Variants in GAA observed in about 807,000 individuals in gnomAD.
GAA encodes alpha glucosidase, also known as lysosomal alpha-glucosidase.
Under a neutral mutation model 103.9 loss-of-function variants are expected in GAA, and 88 were observed. The ratio of observed to expected loss-of-function variants is 0.85; its 90% CI spans 0.71 to 1.01. The LOEUF (loss-of-function observed/expected upper bound fraction) is 1.01. GAA is among the 50% of genes least tolerant of loss of function. The pLI, the probability that GAA is intolerant of heterozygous loss-of-function variation, is 0.00. For synonymous variants in GAA, 572 were observed against 563.1 expected, an observed-to-expected ratio of 1.02 and a Z score of -0.22; for missense variants, 1,350 against 1,305.3, an observed-to-expected ratio of 1.03 and a Z score of -0.53.
Position 80,107,727 on chromosome 17 carries a change from A to AGCAGCAG in GAA, c.858+7_858+8insAGCAGGC, listed in dbSNP as rs3071247. ...AACCGGGACCTTGCGCCCACGGTAC[A>AGCAGCAG]GCGGCGGGCGGCGGGCGGGGGCACT... On this transcript the variant is annotated splice_donor_region_variant and intron_variant, in intron 4 of 19. Coordinates refer to ENST00000302262, the MANE Select transcript of GAA (RefSeq NM_000152.5). The AGCAGCAG allele has an allele frequency of 3.0e-5, 48 of 1,610,754 alleles. No individual in the cohort carries two copies. The highest frequency in any genetic ancestry group is 5.4e-5 in the African/African-American group (4 of 74,764).
Position 80,119,474 on chromosome 17 carries a change from C to G in GAA, c.*143C>G, listed in dbSNP as rs1800318. ...CACTAACCATTCCAAGCCGCCGCAT[C>G]GCTTGTTTCCACCTCCTGGGCCGGG... is the stretch of plus-strand genomic sequence containing the variant. On this transcript the variant is annotated 3_prime_UTR_variant, in exon 20 of 20. Coordinates refer to ENST00000302262, the MANE Select transcript of GAA (RefSeq NM_000152.5). 1.4e-6 allele frequency: 1 copy of G among 737,170 alleles called. No homozygotes were observed. Among genetic ancestry groups the G allele is most frequent in the Non-Finnish European group, 2.4e-6 (1 of 413,940 alleles). 45.7% of individuals were successfully genotyped at this position (737,170 alleles called of 1,614,324 possible).
In GAA at chr17:80,118,123, TC is replaced by T. The variant is rs985042094; in HGVS notation, c.2482-67del. 4.2e-5 allele frequency: 65 copies of T among 1,556,804 alleles called. No homozygotes were observed. The African/African-American group carries it at 6.1e-4, about 15-fold the overall frequency. The stretch of plus-strand genomic sequence containing the variant: ...GCCTGGTGCTGTACCAGCCTAGCAT[TC>T]CCGGGCCCTGGAGGCCTCCACCTCC... On this transcript the variant is annotated intron_variant, in intron 17 of 19. Transcript: ENST00000302262.
rs1009969865 is a variant in GAA, at chr17:80,118,087, A to C, written c.2482-106A>C. ...GGCCGCAGGTGTTCCTGCAGATCCT[A>C]GTTACTGGCAGCCTGGTGCTGTACC... On this transcript the variant is annotated intron_variant, in intron 17 of 19. Transcript: ENST00000302262. The C allele has an allele frequency of 2.3e-5, 30 of 1,293,610 alleles. 2 individuals carry two copies. In the South Asian group the frequency reaches 4.1e-4, roughly 18 times the overall value. 80.1% of individuals were successfully genotyped at this position (1,293,610 alleles called of 1,614,324 possible).
At position 80,112,666 on chromosome 17, in the gene GAA, G is replaced by A. The variant is rs549029029; in HGVS notation, c.1843G>A (p.Gly615Arg). The A allele has an allele frequency of 5.0e-6, 8 of 1,612,222 alleles. No homozygotes were observed. In the East Asian group the frequency reaches 1.1e-4, roughly 22 times the overall value. Residue 615 changes from glycine to arginine, a missense_variant, in exon 13 of 20, where the codon GGG (glycine) becomes AGG (arginine). Transcript: ENST00000302262. ...CGGCCGATACGCCGGCCACTGGACG[G>A]GGGACGTGTGGAGCTCCTGGGAGCA... ...GHGRYAGHWT[G>R]DVWSSWEQLA...
Position 80,108,803 on chromosome 17 carries a change from G to C in GAA, c.1301G>C (p.Gly434Ala), listed in dbSNP as rs2039160755. Residue 434 changes from glycine (G) to alanine (A), a missense_variant, in exon 8 of 20, where the codon GGC becomes GCC. By Grantham distance (60) the Gly-to-Ala change is moderately conservative. Transcript: ENST00000302262. The stretch of plus-strand genomic sequence containing the variant: ...GCCATGGTGCAGGAGCTGCACCAGG[G>C]CGGCCGGCGCTACATGATGATCGTG... ...FPAMVQELHQGGRRYMMIVDP... is the reference protein window; with the variant it reads ...FPAMVQELHQAGRRYMMIVDP... The C allele has an allele frequency of 6.2e-7, 1 of 1,601,328 alleles. No homozygotes were observed. Among genetic ancestry groups the C allele is most frequent in the Non-Finnish European group, 8.5e-7 (1 of 1,174,448 alleles).
chr17:80,110,067 G>T lies in GAA; in HGVS notation c.1437+12G>T. ...CGCTGATTGGGAAGGTAGGGCGAGGGTCCAGGGGACGGGGGTTAGAAAGCA... is the reference window on the plus strand; with the variant it reads ...CGCTGATTGGGAAGGTAGGGCGAGGTTCCAGGGGACGGGGGTTAGAAAGCA... On this transcript the variant is annotated intron_variant, in intron 9 of 19. Coordinates refer to ENST00000302262, the MANE Select transcript of GAA (RefSeq NM_000152.5). The T allele has an allele frequency of 6.2e-7, 1 of 1,607,840 alleles. No homozygotes were observed. Among genetic ancestry groups the T allele is most frequent in the South Asian group, 1.1e-5 (1 of 90,976 alleles).
At chr17:80,114,125 T>A (rs1598588054) in intron 15 of GAA, among the ~76,000 whole-genome samples, 3 of 145,832 alleles carry the variant, frequency 2.1e-5, no homozygotes, top group East Asian at 2.0e-4. Flanking sequence ...TATTTGACCA[T>A]AGCAGAAAAA....
At position 80,105,773 on chromosome 17, in the gene GAA, T is replaced by A. The variant is rs149295512; in HGVS notation, c.571T>A (p.Tyr191Asn). The change falls in exon 3 of 20, where the codon TAC becomes AAC. Residue 191 changes from tyrosine to asparagine, a missense_variant. Tyr to Asn is a moderately radical substitution (Grantham distance 143, BLOSUM62 -2). Transcript: ENST00000302262. ...FTIKDPANRR[Y>N]EVPLETPHVH... ...GATCAAAGATCCAGCTAACAGGCGC[T>A]ACGAGGTGCCCTTGGAGACCCCGCA... 6.2e-7 allele frequency: 1 copy of A among 1,612,408 alleles called. No homozygotes were observed. The highest frequency in any genetic ancestry group is 1.1e-5 in the South Asian group (1 of 91,082).
chr17:80,108,548 T>G lies in GAA; in HGVS notation c.1135T>G (p.Ser379Ala). The change falls in exon 7 of 20, where the codon TCC (serine) becomes GCC (alanine). Residue 379 changes from serine (S) to alanine (A), a missense_variant. Coordinates refer to ENST00000302262, the MANE Select transcript of GAA (RefSeq NM_000152.5). ...LGFHLCRWGY[S>A]STAITRQVVE... is the part of the protein sequence containing the mutation. ...CTTCCACCTGTGCCGCTGGGGCTAC[T>G]CCTCCACCGCTATCACCCGCCAGGT... 1 of 1,612,872 alleles carries G rather than the reference T, an allele frequency of 6.2e-7. No homozygotes were observed. Among genetic ancestry groups the G allele is most frequent in the South Asian group, 1.1e-5 (1 of 91,058 alleles).
chr17:80,112,627 A>G lies in GAA; in HGVS notation c.1804A>G (p.Thr602Ala), dbSNP rs781484283. ...ACGCCCATTTGTGATCTCCCGCTCG[A>G]CCTTTGCTGGCCACGGCCGATACGC... ...GTRPFVISRS[T>A]FAGHGRYAGH... The change falls in exon 13 of 20, where the codon ACC becomes GCC. Residue 602 changes from threonine (T) to alanine (A), a missense_variant. Physicochemically the swap from Thr to Ala is moderately conservative, Grantham distance 58. Transcript: ENST00000302262. 6.2e-7 allele frequency: 1 copy of G among 1,612,852 alleles called. No individual in the cohort carries two copies. The highest frequency in any genetic ancestry group is 8.5e-7 in the Non-Finnish European group (1 of 1,179,924).
At chr17:80,113,151 G>A (rs2039284224) in intron 14 of GAA, 67 bp from the exon 15 acceptor site, 6 of 1,543,582 alleles carry the variant, frequency 3.9e-6, no homozygotes, top group South Asian at 3.6e-5. Flanking sequence ...GCTCTCCCGA[G>A]GCGGGGACTC....
chr17:80,103,812 T>C (rs1396856518), intron 1 of GAA, among the ~76,000 whole-genome samples: 1 of 152,190 alleles, frequency 6.6e-6, no homozygotes, highest in Non-Finnish European at 1.5e-5. Flanking sequence ...CCCTGGAGTG[T>C]CACCCTCAGC....
At chr17:80,102,779 CCTCTGAATTT>C (rs1274547984) in intron 1 of GAA, 1 of 152,138 alleles carries the variant, frequency 6.6e-6, no homozygotes, top group Non-Finnish European at 1.5e-5. Flanking sequence ...GTCCTGGGAA[CCTCTGAATTT>C]ATAACTAGTT....
intron 1 of GAA, 121 bp downstream of exon 1, chr17:80,102,011 T>A (rs2038963401): frequency 6.6e-6 from 1 of 152,300 alleles, no homozygotes; most frequent in South Asian, 2.1e-4. Context: ...AGACCTCTAG[T>A]CCTCCCGGTC....
rs1008936778 is a variant in GAA, at chr17:80,107,710, C to T, written c.846C>T (p.Asp282=). 4.4e-6 allele frequency: 7 copies of T among 1,607,876 alleles called. No homozygotes were observed. Among genetic ancestry groups the T allele is most frequent in the Non-Finnish European group, 5.1e-6 (6 of 1,178,230 alleles). The part of the protein sequence containing the change: ...SWTRITLWNR[D]LAPTPGANLY... ...CCAGGATCACCCTGTGGAACCGGGACCTTGCGCCCACGGTACAGCGGCGGG... is the reference window on the plus strand; with the variant it reads ...CCAGGATCACCCTGTGGAACCGGGATCTTGCGCCCACGGTACAGCGGCGGG... Residue 282 remains aspartate, a synonymous_variant, in exon 4 of 20, where the codon GAC becomes GAT. Transcript: ENST00000302262.
chr17:80,119,133 G>A, intron 19 of GAA, 139 bp from the exon 20 acceptor site: 1 of 935,906 alleles, frequency 1.1e-6, no homozygotes. Flanking sequence ...AGCATCCCAG[G>A]GCCAGACGGA....
chr17:80,103,082 C>T (rs559422979), intron 1 of GAA, among the ~76,000 whole-genome samples: 1 of 152,232 alleles, frequency 6.6e-6, no homozygotes, highest in Non-Finnish European at 1.5e-5. Flanking sequence ...CACGTCCGGC[C>T]GGGGGCAGAG....
rs2039022333 is a variant in GAA, at chr17:80,104,530, C to T, written c.-32-25C>T. ...GAGTGCCGCCCCTCCCGCCTCCCTG[C>T]TGAGCCCGCTTTCTTCTCCCGCAGG... On this transcript the variant is annotated intron_variant, in intron 1 of 19. Transcript: ENST00000302262. The surrounding 1 kb of genome is among the most constrained non-coding windows in gnomAD (Gnocchi z 4.0). The T allele has an allele frequency of 6.5e-7, 1 of 1,537,536 alleles. No individual in the cohort carries two copies. Among genetic ancestry groups the T allele is most frequent in the East Asian group, 2.3e-5 (1 of 43,926 alleles).
chr17:80,109,651 TATAAA>T (rs938217620), intron 8 of GAA, among the ~76,000 whole-genome samples: 16 of 152,020 alleles, frequency 1.1e-4, no homozygotes, highest in Admixed American at 3.3e-4. Context: ...TTTTTTTAAT[TATAAA>T]AGAAAAGTGA....
Sources: allele counts gnomAD v4.1 joint callset (sites outside exome capture counted in the v4.1 genomes callset), GRCh38; gene constraint gnomAD v4.1.1; non-coding constraint Gnocchi (gnomAD v3.1); transcripts MANE v1.5; gene names NCBI Gene and HGNC (gene_info 2026-07-23, HGNC 2026-07-21).